CDK12: variants seen among roughly 807,000 people sequenced by gnomAD.
CDK12 encodes the protein cyclin-dependent kinase 12.
In CDK12, 17 loss-of-function variants were observed where a neutral mutation model predicts 133.8. That is an observed-to-expected ratio of 0.13 (90% CI 0.09 to 0.19). The LOEUF is 0.19. Among genes scored for constraint, CDK12 ranks in the 10% least tolerant of loss-of-function variants. The pLI, the probability that CDK12 is intolerant of heterozygous loss-of-function variation, is 1.00. For missense variants in CDK12, 1,508 were observed against 1,818.7 expected, an observed-to-expected ratio of 0.83 and a Z score of 3.11; for synonymous variants, 694 against 683.6, an observed-to-expected ratio of 1.02 and a Z score of -0.24.
chr17:39,556,806 T>A (rs1197822126), intron 3 of CDK12: 1 of 152,146 alleles, frequency 6.6e-6, no homozygotes, highest in Non-Finnish European at 1.5e-5. Flanking sequence ...CAGGGTAGAA[T>A]AATGTGTGGA....
intron 2 of CDK12, among the ~76,000 whole-genome samples, chr17:39,479,546 T>G (rs1157002178): frequency 6.6e-6 from 1 of 152,128 alleles, no homozygotes; most frequent in Non-Finnish European, 1.5e-5. Flanking sequence ...GACAGTGGAC[T>G]TGTAAAAGAA....
chr17:39,561,437 A>G (rs1014533176), intron 3 of CDK12, among the ~76,000 whole-genome samples: 2 of 152,232 alleles, frequency 1.3e-5, no homozygotes, highest in African/African-American at 4.8e-5. Context: ...CAAAAATGCC[A>G]GTTCAGTGCT....
At position 39,482,015 on chromosome 17, in the gene CDK12, C is replaced by CATTTTTTTTTT. The variant is rs773073791; in HGVS notation, c.1932-8542_1932-8541insATTTTTTTTTT. ...GATTACAGGCATGAGCCTGGCTTGCCTTTTTTTTTTTTTTTTAACAGAGTT... is the reference window on the plus strand; with the variant it reads ...GATTACAGGCATGAGCCTGGCTTGCCATTTTTTTTTTTTTTTTTTTTTTTTTTAACAGAGTT... On this transcript the variant is annotated intron_variant, in intron 2 of 13. Transcript: ENST00000447079. Among the ~76,000 whole-genome samples, 12 of 96,258 alleles carry CATTTTTTTTTT rather than the reference C, an allele frequency of 1.2e-4. 2 individuals are homozygous for CATTTTTTTTTT. The highest frequency in any genetic ancestry group is 2.6e-4 in the African/African-American group (8 of 30,286). The allele number at this position is 96,258 out of a possible 152,430, so 63.1% of individuals were successfully genotyped here. A position where few individuals can be genotyped will look rare whatever the true frequency, so the allele number is the denominator to read the frequency against.
At chr17:39,504,111 C>T (rs1360012186) in intron 6 of CDK12, among the ~76,000 whole-genome samples, 2 of 152,128 alleles carry the variant, frequency 1.3e-5, no homozygotes, top group South Asian at 2.1e-4. Flanking sequence ...TAAGATAACT[C>T]ACAGGTTTCT....
chr17:39,489,997 A>G (rs2051457080), intron 2 of CDK12, among the ~76,000 whole-genome samples: 1 of 151,734 alleles, frequency 6.6e-6, no homozygotes, highest in Non-Finnish European at 1.5e-5. Context: ...ATATATTAAG[A>G]GTTTGATAAA....
At position 39,462,707 on chromosome 17, in the gene CDK12, A is replaced by G; in HGVS notation, c.636A>G (p.Thr212=). Residue 212 remains threonine (T), a synonymous_variant, in exon 1 of 14, where the codon ACA becomes ACG. Coordinates refer to ENST00000447079, the MANE Select transcript of CDK12 (RefSeq NM_016507.4). ...GGGAAACACCCAAAAGTTACAAAAC[A>G]GTGGACAGCCCAAAACGGAGATCCA... ...RKRETPKSYK[T]VDSPKRRSRS... 4 of 1,614,252 alleles carry G rather than the reference A, an allele frequency of 2.5e-6. No individual in the cohort carries two copies. Among genetic ancestry groups the G allele is most frequent in the South Asian group, 1.1e-5 (1 of 91,092 alleles).
chr17:39,478,709 G>T (rs1314339787), intron 2 of CDK12, among the ~76,000 whole-genome samples: 1 of 152,056 alleles, frequency 6.6e-6, no homozygotes, highest in Non-Finnish European at 1.5e-5. Context: ...CCTGTGGTCT[G>T]AGCTACTTGG....
intron 5 of CDK12, 90 bp from the exon 6 acceptor site, chr17:39,501,160 C>A: frequency 1.1e-6 from 1 of 905,894 alleles, no homozygotes; most frequent in Non-Finnish European, 1.6e-6. Flanking sequence ...AACCTGTGGT[C>A]AACTCCAAAA....
At chr17:39,554,491 G>A (rs1254725341) in intron 2 of CDK12, among the ~76,000 whole-genome samples, 1 of 152,116 alleles carries the variant, frequency 6.6e-6, no homozygotes, top group African/African-American at 2.4e-5. Flanking sequence ...GGGGTTTGAG[G>A]TCACACCAGG....
At chr17:39,467,545 G>A (rs2049437359) in intron 1 of CDK12, among the ~76,000 whole-genome samples, 1 of 152,150 alleles carries the variant, frequency 6.6e-6, no homozygotes, top group Non-Finnish European at 1.5e-5. Flanking sequence ...AATACCACAA[G>A]TATATGGCCA....
intron 3 of CDK12, among the ~76,000 whole-genome samples, chr17:39,560,053 T>A (rs2056320837): frequency 6.6e-6 from 1 of 152,172 alleles, no homozygotes; most frequent in African/African-American, 2.4e-5. Flanking sequence ...TGCCTTAGAC[T>A]CTCAAGTTGC....
chr17:39,493,456 G>A (rs1396921456), intron 4 of CDK12, among the ~76,000 whole-genome samples: 1 of 151,814 alleles, frequency 6.6e-6, no homozygotes. Flanking sequence ...TTACAGGCAT[G>A]CACCACCACA....
At chr17:39,530,413 C>A in intron 13 of CDK12, 191 bp from the exon 14 acceptor site, 1 of 693,480 alleles carries the variant, frequency 1.4e-6, no homozygotes, top group Non-Finnish European at 2.2e-6. Context: ...GCTGTTAGAT[C>A]CAGGATGCAA....
intron 5 of CDK12, among the ~76,000 whole-genome samples, chr17:39,497,820 G>A (rs2052246724): frequency 6.6e-6 from 1 of 151,978 alleles, no homozygotes; most frequent in Non-Finnish European, 1.5e-5. Context: ...GCACAGGCTG[G>A]TCTCTAACTC....
chr17:39,484,349 G>T (rs1197983653), intron 2 of CDK12, among the ~76,000 whole-genome samples: 1 of 152,216 alleles, frequency 6.6e-6, no homozygotes, highest in South Asian at 2.1e-4. Context: ...AGGAAATACT[G>T]ATATAGTTAG....
chr17:39,522,315 G>A (rs1437717991), intron 11 of CDK12, among the ~76,000 whole-genome samples: 3 of 151,996 alleles, frequency 2.0e-5, no homozygotes, highest in Non-Finnish European at 4.4e-5. Context: ...TTGAAGTCCC[G>A]ACCTCAGGTA....
At position 39,462,487 on chromosome 17, in the gene CDK12, A is replaced by G. The variant is rs2049025168; in HGVS notation, c.416A>G (p.Lys139Arg). ...GAAAAAAGCCAAGAAGTCTCCAGCAAGTCGGGATCGATGAAGGACCGGATA... is the reference window on the plus strand; with the variant it reads ...GAAAAAAGCCAAGAAGTCTCCAGCAGGTCGGGATCGATGAAGGACCGGATA... Reference protein sequence around the residue: ...EKEKSQEVSSKSGSMKDRISG... With the variant: ...EKEKSQEVSSRSGSMKDRISG... Residue 139 changes from lysine to arginine, a missense_variant, in exon 1 of 14, where the codon AAG becomes AGG. This residue lies in a region of CDK12 where 460 missense variants were observed against 490.8 expected (regional missense o/e 0.94). Transcript: ENST00000447079. 8 of 1,614,152 alleles carry G rather than the reference A, an allele frequency of 5.0e-6. No homozygotes were observed. Among genetic ancestry groups the G allele is most frequent in the Non-Finnish European group, 6.8e-6 (8 of 1,180,036 alleles).
rs1304837325 is a variant in CDK12, at chr17:39,462,311, C to T, written c.240C>T (p.Ser80=). The T allele has an allele frequency of 1.9e-6, 3 of 1,614,022 alleles. No homozygotes were observed. The highest frequency in any genetic ancestry group is 2.5e-6 in the Non-Finnish European group (3 of 1,180,050). The change falls in exon 1 of 14, where the codon TCC becomes TCT. Residue 80 remains serine, a synonymous_variant. Transcript: ENST00000447079. ...AGTATGATGATATCAGCTCTGATTCCGACACCTTCTCCGATGACATGGCCT... is the reference window on the plus strand; with the variant it reads ...AGTATGATGATATCAGCTCTGATTCTGACACCTTCTCCGATGACATGGCCT... ...LVEYDDISSD[S]DTFSDDMAFK...
intron 13 of CDK12, among the ~76,000 whole-genome samples, chr17:39,528,694 T>G (rs1448877187): frequency 2.0e-5 from 3 of 152,250 alleles, no homozygotes. Flanking sequence ...ACCTCAAGTG[T>G]TAGTTCTGTT....
Sources: allele counts gnomAD v4.1 joint callset (sites outside exome capture counted in the v4.1 genomes callset), GRCh38; gene constraint gnomAD v4.1.1; regional missense constraint gnomAD v4.1.1; transcripts MANE v1.5; gene names NCBI Gene and HGNC (gene_info 2026-07-23, HGNC 2026-07-21).